The following ADAM32 variants were observed in gnomAD, a reference collection of about 807,000 sequenced individuals.
The protein encoded by ADAM32 is disintegrin and metalloproteinase domain-containing protein 32.
Under a neutral mutation model 114.9 loss-of-function variants are expected in ADAM32, and 89 were observed. The ratio of observed to expected loss-of-function variants is 0.77; its 90% CI spans 0.65 to 0.92. The LOEUF (loss-of-function observed/expected upper bound fraction) is 0.92. ADAM32 is among the 40% of genes least tolerant of loss of function. The pLI is 0.00. For missense variants in ADAM32, 870 were observed against 932.8 expected (o/e 0.93, Z 0.88); for synonymous variants, 285 against 307.5 (o/e 0.93, Z 0.77).
intron 11 of ADAM32, among the ~76,000 whole-genome samples, chr8:39,194,403 G>T (rs964985688): frequency 6.6e-6 from 1 of 152,124 alleles, no homozygotes; most frequent in Admixed American, 6.5e-5. Context: ...CAGTGTTTTG[G>T]CAGGGTGCAC....
At position 39,185,346 on chromosome 8, in the gene ADAM32, A is replaced by AAAAAAACAAAAAAC. The variant is rs140960321; in HGVS notation, c.916-1559_916-1546dup. On this transcript the variant is annotated intron_variant, in intron 10 of 24. Transcript: ENST00000379907. ...GCTACTGTCATCTCCAGTCTACAAA[A>AAAAAAACAAAAAAC]AAAAAACAAAAAACAAACAAACAAA... is the stretch of plus-strand genomic sequence containing the variant. Among the ~76,000 whole-genome samples the AAAAAAACAAAAAAC allele has an allele frequency of 7.1e-4, 104 of 146,552 alleles. 1 individual carries two copies. Among genetic ancestry groups the AAAAAAACAAAAAAC allele is most frequent in the African/African-American group, 2.6e-3 (101 of 39,600 alleles).
intron 18 of ADAM32, among the ~76,000 whole-genome samples, chr8:39,255,362 C>G (rs953101401): frequency 5.9e-5 from 9 of 151,896 alleles, no homozygotes; most frequent in African/African-American, 2.2e-4. Context: ...AAAAGTGCTC[C>G]CCTTTAAGCA....
At chr8:39,283,771 C>CT (rs373085019) in intron 24 of ADAM32, 147 bp downstream of exon 24, 106,402 of 240,918 alleles carry the variant, frequency 0.44, 22,899 homozygotes, top group Admixed American at 0.55. Context: ...TTCTTTTATT[C>CT]TTTTTTTTTT....
intron 11 of ADAM32, among the ~76,000 whole-genome samples, chr8:39,207,522 C>G (rs1403304107): frequency 1.3e-5 from 2 of 152,088 alleles, no homozygotes; most frequent in Admixed American, 1.3e-4. Context: ...ATTCCCATAT[C>G]CATCACTATA....
At chr8:39,269,279 T>TC (rs1158112529) in intron 19 of ADAM32, among the ~76,000 whole-genome samples, 1 of 151,978 alleles carries the variant, frequency 6.6e-6, no homozygotes, top group East Asian at 1.9e-4. Flanking sequence ...GTAAGAAGAG[T>TC]CAATCATAGA....
intron 23 of ADAM32, among the ~76,000 whole-genome samples, chr8:39,282,128 A>C (rs1813456880): frequency 6.6e-6 from 1 of 152,204 alleles, no homozygotes; most frequent in Non-Finnish European, 1.5e-5. Flanking sequence ...CACTGTCACC[A>C]AGGGAGTTGT....
intron 11 of ADAM32, among the ~76,000 whole-genome samples, chr8:39,206,104 G>T (rs1352719094): frequency 6.6e-6 from 1 of 152,154 alleles, no homozygotes; most frequent in East Asian, 1.9e-4. Flanking sequence ...TTATTTATTG[G>T]TGAGCACAGA....
chr8:39,180,811 A>G (rs1047472915), intron 10 of ADAM32, among the ~76,000 whole-genome samples: 1 of 150,418 alleles, frequency 6.6e-6, no homozygotes, highest in Non-Finnish European at 1.5e-5. Flanking sequence ...AAATACACCA[A>G]TTGGCACTCT....
intron 1 of ADAM32, chr8:39,108,152 G>A (rs1022165999): frequency 5.6e-5 from 13 of 233,376 alleles, no homozygotes; most frequent in Non-Finnish European, 9.8e-5. Flanking sequence ...CGAGGTGGTG[G>A]TGCGCACCTG....
intron 9 of ADAM32, 115 bp from the exon 10 acceptor site, chr8:39,169,801 C>T (rs550683176): frequency 3.0e-6 from 2 of 667,078 alleles, no homozygotes; most frequent in South Asian, 4.9e-5. Flanking sequence ...AAAGATCATA[C>T]CTCAATTTGC....
intron 14 of ADAM32, 27 bp downstream of exon 14, chr8:39,223,265 A>G: frequency 6.9e-7 from 1 of 1,457,506 alleles, no homozygotes; most frequent in Non-Finnish European, 9.2e-7. Flanking sequence ...ACATCTCAAT[A>G]GCCCTTAACA....
chr8:39,180,219 G>A (rs1055479684), intron 10 of ADAM32, among the ~76,000 whole-genome samples: 16 of 152,216 alleles, frequency 1.1e-4, no homozygotes, highest in Non-Finnish European at 1.3e-4. Flanking sequence ...GCAGCGGGCC[G>A]GCCCTGCCGA....
At position 39,107,763 on chromosome 8, in the gene ADAM32, C is replaced by G. The variant is rs1044776510; in HGVS notation, c.-13C>G. ...TCCCAACGGCTTCCCGCTGGCAGCC[C>G]CGAAGCCGCACCATGTTCCGCCTCT... On this transcript the variant is annotated 5_prime_UTR_variant, in exon 1 of 25. Transcript: ENST00000379907. The G allele has an allele frequency of 1.9e-6, 3 of 1,550,502 alleles. No homozygotes were observed. The highest frequency in any genetic ancestry group is 2.0e-5 in the Admixed American group (1 of 50,974).
At chr8:39,173,621 ACTCAGATGATAGTTT>A (rs1300410172) in intron 10 of ADAM32, among the ~76,000 whole-genome samples, 1 of 152,058 alleles carries the variant, frequency 6.6e-6, no homozygotes, top group African/African-American at 2.4e-5. Flanking sequence ...TTGTCTATTC[ACTCAGATGATAGTTT>A]CTTTTGCTCT....
chr8:39,236,895 G>T (rs1178477530), intron 16 of ADAM32, among the ~76,000 whole-genome samples: 1 of 152,230 alleles, frequency 6.6e-6, no homozygotes, highest in Non-Finnish European at 1.5e-5. Context: ...TGGACAGCGT[G>T]TGGAGACTCA....
chr8:39,117,901 TC>T (rs1840442855), intron 1 of ADAM32, among the ~76,000 whole-genome samples, 184 bp from the exon 2 acceptor site: 1 of 152,118 alleles, frequency 6.6e-6, no homozygotes, highest in Non-Finnish European at 1.5e-5. Context: ...TCTTCCCTTC[TC>T]CTTTTTTGTT....
At chr8:39,144,898 A>G (rs1006491855) in intron 3 of ADAM32, among the ~76,000 whole-genome samples, 7 of 152,194 alleles carry the variant, frequency 4.6e-5, no homozygotes, top group South Asian at 2.1e-4. Context: ...ATGATCTTAT[A>G]TGTAGATTAC....
chr8:39,175,376 CTGAGAGAT>C (rs1805460745), intron 10 of ADAM32, among the ~76,000 whole-genome samples: 2 of 152,024 alleles, frequency 1.3e-5, no homozygotes, highest in Admixed American at 1.3e-4. Context: ...ACCTAGTTTA[CTGAGAGAT>C]TTTAACATGA....
intron 10 of ADAM32, among the ~76,000 whole-genome samples, chr8:39,182,939 T>C (rs1205062640): frequency 2.0e-5 from 3 of 152,264 alleles, no homozygotes; most frequent in Admixed American, 2.0e-4. Flanking sequence ...GGTGTTGGGT[T>C]CTCTAGTTGG....
Sources: allele counts gnomAD v4.1 joint callset (sites outside exome capture counted in the v4.1 genomes callset), GRCh38; gene constraint gnomAD v4.1.1; transcripts MANE v1.5; gene names NCBI Gene and HGNC (gene_info 2026-07-23, HGNC 2026-07-21).